The following LUZP2 variants were observed in gnomAD, a reference collection of about 807,000 sequenced individuals.
LUZP2 encodes the protein leucine zipper protein 2.
Under a neutral mutation model 51.6 loss-of-function variants are expected in LUZP2, and 52 were observed. The observed-to-expected ratio is 1.01, with a 90% CI of 0.81 to 1.27. The LOEUF is 1.27. LUZP2 is among the 50% of genes most tolerant of loss of function. The pLI is 0.00. For missense variants in LUZP2, 436 were observed against 395.4 expected, an observed-to-expected ratio of 1.10 and a Z score of -0.87; for synonymous variants, 154 against 137.3, an observed-to-expected ratio of 1.12 and a Z score of -0.85.
At chr11:25,011,187 A>G (rs1856975052) in intron 9 of LUZP2, among the ~76,000 whole-genome samples, 1 of 152,192 alleles carries the variant, frequency 6.6e-6, no homozygotes, top group Non-Finnish European at 1.5e-5. Flanking sequence ...TGAATGCTCA[A>G]TGAACAAACC....
chr11:24,631,396 GT>G (rs201315098), intron 1 of LUZP2, among the ~76,000 whole-genome samples: 35,282 of 144,568 alleles, frequency 0.24, 4,214 homozygotes, highest in East Asian at 0.34. Context: ...TTTCTTTATT[GT>G]TTTTTTTTTT....
At chr11:24,571,174 A>G (rs780364506) in intron 1 of LUZP2, among the ~76,000 whole-genome samples, 1 of 152,106 alleles carries the variant, frequency 6.6e-6, no homozygotes, top group Non-Finnish European at 1.5e-5. Flanking sequence ...CCAGAAAGGC[A>G]GTGTTGCTGG....
chr11:24,976,494 C>A, intron 7 of LUZP2, 97 bp from the exon 8 acceptor site: 24 of 591,862 alleles, frequency 4.1e-5, no homozygotes, highest in African/African-American at 6.8e-5. Context: ...TTTTTCTTTT[C>A]TCTCTTTTTA....
chr11:24,602,076 ATATATGTGTATATATGTATATATGTG>A (rs1305265642), intron 1 of LUZP2, among the ~76,000 whole-genome samples: 4 of 125,204 alleles, frequency 3.2e-5, no homozygotes, highest in Admixed American at 8.8e-5. Context: ...ATATATGCGT[ATATATGTGTATATATGTATATATGTG>A]TATATGTGTA....
At chr11:24,548,811 A>T (rs1167060704) in intron 1 of LUZP2, among the ~76,000 whole-genome samples, 4 of 152,096 alleles carry the variant, frequency 2.6e-5, no homozygotes, top group South Asian at 4.1e-4. Flanking sequence ...ATATAGAAAC[A>T]TGGAAAATGC....
intron 5 of LUZP2, among the ~76,000 whole-genome samples, chr11:24,765,629 CTT>C (rs762443498): frequency 5.3e-5 from 7 of 133,012 alleles, no homozygotes; most frequent in Non-Finnish European, 8.1e-5. Flanking sequence ...TTTCTTTTTT[CTT>C]TTTTTTTTTT....
chr11:24,866,093 G>A (rs1851885727), intron 5 of LUZP2, among the ~76,000 whole-genome samples: 1 of 149,586 alleles, frequency 6.7e-6, no homozygotes, highest in African/African-American at 2.5e-5. Context: ...ACAGGCGTGA[G>A]TCTCCCGGCC....
At chr11:25,068,987 G>A (rs965835922) in intron 10 of LUZP2, among the ~76,000 whole-genome samples, 7 of 151,972 alleles carry the variant, frequency 4.6e-5, no homozygotes, top group Non-Finnish European at 1.0e-4. Context: ...TTAGCCATGA[G>A]TGATATTTTT....
intron 1 of LUZP2, among the ~76,000 whole-genome samples, chr11:24,709,634 T>C (rs1253701695): frequency 2.0e-5 from 3 of 152,194 alleles, no homozygotes; most frequent in Non-Finnish European, 4.4e-5. Flanking sequence ...GAACTCTTTT[T>C]GGATATAAAC....
chr11:24,702,959 C>CT (rs1357652229), intron 1 of LUZP2, among the ~76,000 whole-genome samples: 45 of 152,252 alleles, frequency 3.0e-4, no homozygotes, highest in African/African-American at 1.1e-3. Context: ...CATATATATC[C>CT]TTTCTTCACA....
intron 1 of LUZP2, among the ~76,000 whole-genome samples, chr11:24,589,004 G>A (rs935256187): frequency 5.9e-5 from 9 of 152,028 alleles, no homozygotes; most frequent in African/African-American, 2.2e-4. Context: ...GTATTTCCAG[G>A]CTAACCTGGA....
At chr11:24,873,169 C>T (rs1416077334) in intron 5 of LUZP2, among the ~76,000 whole-genome samples, 1 of 152,142 alleles carries the variant, frequency 6.6e-6, no homozygotes, top group East Asian at 1.9e-4. Context: ...CAGATCACAG[C>T]AGGCAACACA....
chr11:24,671,472 A>G (rs1026602325), intron 1 of LUZP2, among the ~76,000 whole-genome samples: 1 of 152,076 alleles, frequency 6.6e-6, no homozygotes, highest in Non-Finnish European at 1.5e-5. Context: ...TCAAACAGCT[A>G]TAACAAAATG....
At chr11:24,835,236 T>A (rs1285769476) in intron 5 of LUZP2, among the ~76,000 whole-genome samples, 2 of 152,182 alleles carry the variant, frequency 1.3e-5, no homozygotes, top group Non-Finnish European at 2.9e-5. Context: ...TAAATGGTAC[T>A]GAGAAAACTA....
Position 24,602,393 on chromosome 11 carries a change from C to T in LUZP2, c.62+105088C>T, listed in dbSNP as rs1014328295. Among the ~76,000 whole-genome samples, 53 of 140,580 alleles carry T rather than the reference C, an allele frequency of 3.8e-4. 1 individual carries two copies. Among genetic ancestry groups the T allele is most frequent in the African/African-American group, 1.4e-3 (52 of 36,014 alleles). 92.2% of individuals were successfully genotyped at this position (140,580 alleles called of 152,430 possible). A position where few individuals can be genotyped will look rare whatever the true frequency, so the allele number is the denominator to read the frequency against. On this transcript the variant is annotated intron_variant, in intron 1 of 11. Transcript: ENST00000336930. ...GTGTGTGTATATATATATATACACA[C>T]ACACACACACACACACACACACATA...
At chr11:24,922,695 G>C (rs1156752758) in intron 7 of LUZP2, among the ~76,000 whole-genome samples, 1 of 151,934 alleles carries the variant, frequency 6.6e-6, no homozygotes, top group Non-Finnish European at 1.5e-5. Context: ...ACATTCATTT[G>C]TGCGTCAAAA....
At chr11:24,880,625 C>T (rs1303916850) in intron 5 of LUZP2, among the ~76,000 whole-genome samples, 2 of 152,052 alleles carry the variant, frequency 1.3e-5, no homozygotes, top group Non-Finnish European at 2.9e-5. Context: ...GGAAGAAAGT[C>T]TCTGTAGAAT....
At chr11:24,790,777 C>T (rs968445139) in intron 5 of LUZP2, among the ~76,000 whole-genome samples, 9 of 152,194 alleles carry the variant, frequency 5.9e-5, no homozygotes, top group African/African-American at 2.2e-4. Flanking sequence ...GCTGGGATTA[C>T]AGACGTGAGC....
chr11:24,696,998 G>A (rs988652495), intron 1 of LUZP2, among the ~76,000 whole-genome samples: 3 of 152,052 alleles, frequency 2.0e-5, no homozygotes, highest in Non-Finnish European at 4.4e-5. Flanking sequence ...GTAAAGATTA[G>A]CATGGCTAGA....
Sources: gnomAD v4.1 joint callset for allele counts (sites outside exome capture counted in the v4.1 genomes callset) on GRCh38, gnomAD v4.1.1 for gene constraint, MANE v1.5 for transcripts, NCBI Gene and HGNC (gene_info 2026-07-23, HGNC 2026-07-21) for gene names.